The following CD96 variants were observed in gnomAD, a reference collection of about 807,000 sequenced individuals.
CD96 encodes T-cell surface protein tactile.
CD96 carries 70 observed loss-of-function variants against 71.3 expected under a neutral mutation model. That is an observed-to-expected ratio of 0.98 (90% CI 0.81 to 1.20). The LOEUF (loss-of-function observed/expected upper bound fraction) is 1.20, where lower values mean the gene tolerates loss of function less well. CD96 is among the 50% of genes most tolerant of loss of function. The pLI is 0.00. For synonymous variants in CD96, 248 were observed against 233.0 expected (o/e 1.06, Z -0.59); for missense variants, 742 against 677.5 (o/e 1.10, Z -1.06).
chr3:111,607,983 A>T (rs1336043744), intron 8 of CD96, among the ~76,000 whole-genome samples: 6 of 152,226 alleles, frequency 3.9e-5, no homozygotes, highest in Non-Finnish European at 1.5e-5. Context: ...TTGCTGCATT[A>T]AAAATGCCCC....
intron 5 of CD96, chr3:111,593,967 G>A (rs780288328): frequency 2.3e-5 from 37 of 1,614,020 alleles, no homozygotes; most frequent in East Asian, 1.3e-4. Flanking sequence ...CCACACAGGC[G>A]GCAGGTGGCA....
At position 111,618,196 on chromosome 3, in the gene CD96, C is replaced by T. The variant is rs988155561; in HGVS notation, c.1181-5558C>T. ...GCAGGTGTGGGATCCAGGCTGGTAG[C>T]ACAGACCAAGCACAGCCTGCCAAAC... On this transcript the variant is annotated intron_variant, in intron 8 of 13. Coordinates refer to ENST00000352690, the MANE Select transcript of CD96 (RefSeq NM_005816.5). Among the ~76,000 whole-genome samples, 25 of 152,296 alleles carry T rather than the reference C, an allele frequency of 1.6e-4. 1 individual carries two copies. In the East Asian group the frequency reaches 4.2e-3, roughly 26 times the overall value.
intron 10 of CD96, among the ~76,000 whole-genome samples, chr3:111,630,099 GA>G (rs2107731706): frequency 6.6e-6 from 1 of 152,098 alleles, no homozygotes; most frequent in South Asian, 2.1e-4. Context: ...ACAACTAAAA[GA>G]ACTAGAGAAC....
chr3:111,648,950 A>G (rs1384558895), intron 13 of CD96, among the ~76,000 whole-genome samples: 1 of 152,218 alleles, frequency 6.6e-6, no homozygotes, highest in Non-Finnish European at 1.5e-5. Flanking sequence ...CTAACATAAA[A>G]TAGTTCTTTG....
intron 11 of CD96, 137 bp from the exon 12 acceptor site, chr3:111,637,942 C>A: frequency 1.4e-6 from 1 of 707,304 alleles, no homozygotes. Flanking sequence ...TCTTAATAAA[C>A]TTTACACATA....
chr3:111,579,485 T>C (rs1936372514), intron 4 of CD96: 1 of 544,558 alleles, frequency 1.8e-6, no homozygotes, highest in Non-Finnish European at 3.4e-6. Flanking sequence ...AGTTTTCTGT[T>C]GCTTACAATG....
intron 12 of CD96, among the ~76,000 whole-genome samples, chr3:111,645,329 C>T (rs1040760455): frequency 1.3e-5 from 2 of 151,874 alleles, no homozygotes; most frequent in Non-Finnish European, 2.9e-5. Context: ...TATGAGGACG[C>T]AAAGACATAA....
At position 111,600,775 on chromosome 3, in the gene CD96, AC is replaced by A. The variant is rs1937458290; in HGVS notation, c.949del (p.Leu317Ter). ...ERKGKDGFLE[L>X]KSVLTRVHSN... ...GAAAAGGCAAAGATGGATTTTTGGA[AC>A]TGAAGTCTGTTTTAACAAGGGTACA... On this transcript the variant is annotated frameshift_variant, in exon 7 of 14. Coordinates refer to ENST00000352690, the MANE Select transcript of CD96 (RefSeq NM_005816.5). LOFTEE classifies it high-confidence loss of function. 6.2e-7 allele frequency: 1 copy of A among 1,613,592 alleles called. No homozygotes were observed. Among genetic ancestry groups the A allele is most frequent in the Non-Finnish European group, 8.5e-7 (1 of 1,179,632 alleles).
At chr3:111,613,302 T>A (rs1938052962) in intron 8 of CD96, among the ~76,000 whole-genome samples, 2 of 152,216 alleles carry the variant, frequency 1.3e-5, no homozygotes, top group African/African-American at 2.4e-5. Context: ...CTGCTTACTG[T>A]CATCTTCCCC....
At chr3:111,657,406 C>T (rs554768331) in intron 14 of CD96, among the ~76,000 whole-genome samples, 1 of 150,352 alleles carries the variant, frequency 6.7e-6, no homozygotes, top group East Asian at 1.9e-4. Context: ...CAGAGTAAGA[C>T]TCCATTTCAA....
At chr3:111,638,251 A>AC in intron 12 of CD96, 83 bp downstream of exon 12, 1 of 877,178 alleles carries the variant, frequency 1.1e-6, no homozygotes, top group Non-Finnish European at 2.0e-6. Context: ...TTTGCCAGGC[A>AC]TTATGCCAGT....
At chr3:111,552,060 C>G (rs1934737624) in intron 2 of CD96, among the ~76,000 whole-genome samples, 1 of 152,060 alleles carries the variant, frequency 6.6e-6, no homozygotes. Context: ...TGATGTTGAG[C>G]TTTTTTTCAT....
intron 8 of CD96, among the ~76,000 whole-genome samples, chr3:111,613,672 C>CAGAATTGTCCAGACAAATTACACA (rs1938072041): frequency 1.3e-5 from 2 of 152,206 alleles, no homozygotes; most frequent in South Asian, 4.1e-4. Context: ...AGCAATTACA[C>CAGAATTGTCCAGACAAATTACACA]ATTTGTCCAG....
intron 2 of CD96, among the ~76,000 whole-genome samples, chr3:111,546,745 A>G (rs1280194037): frequency 1.3e-5 from 2 of 152,128 alleles, no homozygotes; most frequent in East Asian, 3.9e-4. Flanking sequence ...AACAAGCAAC[A>G]GGTATGGATT....
At chr3:111,607,416 G>A (rs1038778959) in intron 8 of CD96, among the ~76,000 whole-genome samples, 1 of 152,052 alleles carries the variant, frequency 6.6e-6, no homozygotes. Flanking sequence ...GGTCAGTCTG[G>A]GTCAGCAATG....
intron 10 of CD96, among the ~76,000 whole-genome samples, chr3:111,626,640 G>A (rs999692644): frequency 2.6e-5 from 4 of 152,216 alleles, no homozygotes; most frequent in Admixed American, 2.0e-4. Flanking sequence ...AATGTTTGGA[G>A]GAAACACTGT....
chr3:111,658,326 G>A (rs1447873607), intron 14 of CD96, among the ~76,000 whole-genome samples: 1 of 152,160 alleles, frequency 6.6e-6, no homozygotes, highest in Non-Finnish European at 1.5e-5. Context: ...GTAAGTGATA[G>A]CTATATAGAT....
intron 2 of CD96, among the ~76,000 whole-genome samples, chr3:111,560,385 C>T (rs1236446573): frequency 1.3e-5 from 2 of 150,978 alleles, no homozygotes; most frequent in East Asian, 3.9e-4. Flanking sequence ...CCTTCAGGAG[C>T]TCTTTTAGGG....
At chr3:111,552,416 T>G (rs1195131851) in intron 2 of CD96, among the ~76,000 whole-genome samples, 1 of 152,214 alleles carries the variant, frequency 6.6e-6, no homozygotes, top group Non-Finnish European at 1.5e-5. Context: ...AACCTGCCGA[T>G]GTTTTGATCT....
Sources: allele counts gnomAD v4.1 joint callset (sites outside exome capture counted in the v4.1 genomes callset), GRCh38; gene constraint gnomAD v4.1.1; transcripts MANE v1.5; gene names NCBI Gene and HGNC (gene_info 2026-07-23, HGNC 2026-07-21).